WRN: variants seen among roughly 807,000 people sequenced by gnomAD.
WRN encodes the protein WRN RecQ like helicase, also known as bifunctional 3'-5' exonuclease/ATP-dependent helicase WRN.
Under a neutral mutation model 180.7 loss-of-function variants are expected in WRN, and 149 were observed. That is an observed-to-expected ratio of 0.82 (90% CI 0.72 to 0.94). The LOEUF (loss-of-function observed/expected upper bound fraction) is 0.94, where lower values mean the gene tolerates loss of function less well. Among genes scored for constraint, WRN ranks in the 40% least tolerant of loss-of-function variants. The pLI, the probability that WRN is intolerant of heterozygous loss-of-function variation, is 0.00. For missense variants in WRN, 1,661 were observed against 1,700.1 expected (o/e 0.98, Z 0.40); for synonymous variants, 548 against 568.9 (o/e 0.96, Z 0.52).
chr8:31,136,972 A>G (rs2725360), intron 24 of WRN, among the ~76,000 whole-genome samples: 148,828 of 152,186 alleles, frequency 0.98, 72,873 homozygotes, highest in East Asian at 1. Context: ...AAACACTTAA[A>G]CAATTAACAG....
intron 8 of WRN, among the ~76,000 whole-genome samples, chr8:31,078,697 C>G (rs972580828): frequency 1.3e-5 from 2 of 152,074 alleles, no homozygotes; most frequent in Non-Finnish European, 2.9e-5. Flanking sequence ...GATTTAAATT[C>G]GGTATATATC....
chr8:31,169,729 G>C (rs895999163), intron 34 of WRN, among the ~76,000 whole-genome samples: 2 of 152,166 alleles, frequency 1.3e-5, no homozygotes, highest in African/African-American at 4.8e-5. Context: ...TGGTTTATGA[G>C]ATCTACTCTG....
intron 16 of WRN, 31 bp from the exon 17 acceptor site, chr8:31,096,737 T>G (rs1227979626): frequency 6.5e-7 from 1 of 1,544,648 alleles, no homozygotes; most frequent in African/African-American, 1.4e-5. Flanking sequence ...TGTTTTTTTT[T>G]TTTTCTTTTT....
intron 1 of WRN, among the ~76,000 whole-genome samples, chr8:31,039,182 GTCTT>G (rs1254064534): frequency 6.6e-6 from 1 of 152,112 alleles, no homozygotes; most frequent in Non-Finnish European, 1.5e-5. Context: ...ACAATATTAA[GTCTT>G]TCTATGCATA....
chr8:31,147,939 G>C (rs1485176632), intron 30 of WRN, among the ~76,000 whole-genome samples: 1 of 148,148 alleles, frequency 6.8e-6, no homozygotes, highest in Non-Finnish European at 1.5e-5. Flanking sequence ...CCAGGCTGGA[G>C]TGTAGTGGTG....
rs371538747 is a variant in WRN, at chr8:31,064,406, T to A, written c.327T>A (p.Cys109Ter). The change falls in exon 4 of 35, where the codon TGT becomes TGA. Residue 109 changes from cysteine (C) to a stop codon, truncating the protein, a stop_gained. Coordinates refer to ENST00000298139, the MANE Select transcript of WRN (RefSeq NM_000553.6). LOFTEE classifies it high-confidence loss of function. Reference sequence around the variant, plus strand: ...AGTTGTGTGTTTCTGAGAGCAAATGTTACTTGTTCCACGTTTCTTCCATGT... The same window carrying A: ...AGTTGTGTGTTTCTGAGAGCAAATGATACTTGTTCCACGTTTCTTCCATGT... ...LIQLCVSESK[C>*]YLFHVSSMSV... 3.1e-6 allele frequency: 5 copies of A among 1,614,150 alleles called. No individual in the cohort carries two copies. The highest frequency in any genetic ancestry group is 4.2e-6 in the Non-Finnish European group (5 of 1,180,006).
chr8:31,098,771 C>T (rs1814093033), intron 17 of WRN, among the ~76,000 whole-genome samples: 1 of 152,092 alleles, frequency 6.6e-6, no homozygotes, highest in African/African-American at 2.4e-5. Context: ...CCTTACCAAC[C>T]AGACTTTTAA....
rs779991041 is a variant in WRN, at chr8:31,173,242, A to G, written c.*140A>G. On this transcript the variant is annotated 3_prime_UTR_variant, in exon 35 of 35. Transcript: ENST00000298139. Reference sequence around the variant, plus strand: ...GTTCACTGTTTATTGAAGAACTGGCATCTTAAATCAGCCTTCCGCAATTCA... The same window carrying G: ...GTTCACTGTTTATTGAAGAACTGGCGTCTTAAATCAGCCTTCCGCAATTCA... 9.4e-6 allele frequency: 8 copies of G among 847,730 alleles called. No individual in the cohort carries two copies. Among genetic ancestry groups the G allele is most frequent in the Non-Finnish European group, 1.5e-5 (8 of 526,238 alleles). The allele number at this position is 847,730 out of a possible 1,614,324, so 52.5% of individuals were successfully genotyped here. A position where few individuals can be genotyped will look rare whatever the true frequency, so the allele number is the denominator to read the frequency against.
At chr8:31,089,811 A>G (rs764877911) in intron 13 of WRN, among the ~76,000 whole-genome samples, 6 of 152,020 alleles carry the variant, frequency 3.9e-5, no homozygotes, top group Non-Finnish European at 8.8e-5. Flanking sequence ...CCTAAATTCA[A>G]CTATCATTAC....
At chr8:31,131,275 C>T (rs989048626) in intron 23 of WRN, among the ~76,000 whole-genome samples, 2 of 151,184 alleles carry the variant, frequency 1.3e-5, no homozygotes, top group African/African-American at 4.9e-5. Flanking sequence ...CCTGCCTCAG[C>T]CTTCTGAGTA....
intron 33 of WRN, among the ~76,000 whole-genome samples, chr8:31,161,056 A>G (rs763759371): frequency 5.5e-5 from 8 of 144,298 alleles, no homozygotes; most frequent in African/African-American, 7.7e-5. Context: ...CATTTTTGCT[A>G]TCATTTAGCT....
chr8:31,058,852 A>C (rs1192346710), intron 2 of WRN, among the ~76,000 whole-genome samples: 1 of 152,208 alleles, frequency 6.6e-6, no homozygotes, highest in Non-Finnish European at 1.5e-5. Context: ...CAGCATTTTA[A>C]GGCAACATTA....
intron 23 of WRN, among the ~76,000 whole-genome samples, chr8:31,130,714 T>C (rs1054868675): frequency 9.9e-5 from 15 of 152,080 alleles, no homozygotes; most frequent in Admixed American, 8.5e-4. Flanking sequence ...TAGAGTAATT[T>C]ATTTCTACTT....
At chr8:31,049,523 A>T (rs1812007124) in intron 1 of WRN, among the ~76,000 whole-genome samples, 1 of 151,338 alleles carries the variant, frequency 6.6e-6, no homozygotes, top group Admixed American at 6.6e-5. Context: ...AAAAAAAAAA[A>T]AAAAGAGATG....
chr8:31,131,041 G>A (rs894859156), intron 23 of WRN, among the ~76,000 whole-genome samples: 3 of 151,662 alleles, frequency 2.0e-5, no homozygotes, highest in African/African-American at 7.3e-5. Context: ...GAAAAGAAAA[G>A]CAATATGCTT....
chr8:31,126,644 A>G (rs1019050839), intron 23 of WRN, among the ~76,000 whole-genome samples: 8 of 152,230 alleles, frequency 5.3e-5, no homozygotes, highest in African/African-American at 1.9e-4. Flanking sequence ...ACATAAGTCA[A>G]TGAATAGAAA....
chr8:31,098,633 G>A (rs1174306768), intron 17 of WRN, among the ~76,000 whole-genome samples: 4 of 152,114 alleles, frequency 2.6e-5, no homozygotes, highest in African/African-American at 9.7e-5. Context: ...ATGAATATAC[G>A]CAGGATATTA....
intron 18 of WRN, among the ~76,000 whole-genome samples, chr8:31,104,221 C>T (rs1241563894): frequency 6.6e-6 from 1 of 152,164 alleles, no homozygotes; most frequent in Non-Finnish European, 1.5e-5. Flanking sequence ...ATCCTTGCCA[C>T]CGTTTGTTGT....
chr8:31,033,989 A>G lies in WRN; in HGVS notation c.-77+16A>G, dbSNP rs1811343170. 6.6e-6 allele frequency: 1 copy of G among 152,182 alleles called. No homozygotes were observed. Among genetic ancestry groups the G allele is most frequent in the African/African-American group, 2.4e-5 (1 of 41,384 alleles). 9.4% of individuals were successfully genotyped at this position (152,182 alleles called of 1,614,324 possible). A position where few individuals can be genotyped will look rare whatever the true frequency, so the allele number is the denominator to read the frequency against. ...TCTTCTCGGGGTAAAGTGTCTTCCT[A>G]TTCCCGTTTTCCCAGCTCCGTGCCC... On this transcript the variant is annotated intron_variant, in intron 1 of 34. Transcript: ENST00000298139.
Sources: gnomAD v4.1 joint callset for allele counts (sites outside exome capture counted in the v4.1 genomes callset) on GRCh38, gnomAD v4.1.1 for gene constraint, MANE v1.5 for transcripts, NCBI Gene and HGNC (gene_info 2026-07-23, HGNC 2026-07-21) for gene names.